Variants in PHTF2 observed in about 807,000 individuals in gnomAD.
The protein encoded by PHTF2 is putative homeodomain transcription factor 2.
Under a neutral mutation model 101.2 loss-of-function variants are expected in PHTF2, and 60 were observed. The observed-to-expected ratio is 0.59, with a 90% CI of 0.48 to 0.73. The LOEUF (loss-of-function observed/expected upper bound fraction) is 0.73. Among genes scored for constraint, PHTF2 ranks in the 30% least tolerant of loss-of-function variants. The pLI, the probability that PHTF2 is intolerant of heterozygous loss-of-function variation, is 0.00. For missense variants in PHTF2, 747 were observed against 908.7 expected (o/e 0.82, Z 2.29); for synonymous variants, 311 against 307.3 (o/e 1.01, Z -0.13).
intron 3 of PHTF2, among the ~76,000 whole-genome samples, chr7:77,871,854 G>A (rs1282135281): frequency 1.3e-5 from 2 of 152,206 alleles, no homozygotes; most frequent in Non-Finnish European, 1.5e-5. Flanking sequence ...GCAATGCTGT[G>A]TGGAATACCA....
At chr7:77,909,010 A>G in intron 8 of PHTF2, 52 bp downstream of exon 7, 1 of 1,294,492 alleles carries the variant, frequency 7.7e-7, no homozygotes, top group South Asian at 1.4e-5. Flanking sequence ...ATTTGAATCT[A>G]CGATTGTTCT....
intron 1 of PHTF2, among the ~76,000 whole-genome samples, chr7:77,812,466 G>C (rs1793514388): frequency 6.6e-6 from 1 of 152,174 alleles, no homozygotes; most frequent in African/African-American, 2.4e-5. Flanking sequence ...AGAACTACTT[G>C]AGAGATGTCT....
intron 1 of PHTF2, among the ~76,000 whole-genome samples, chr7:77,808,632 T>C (rs887687776): frequency 6.6e-6 from 1 of 152,242 alleles, no homozygotes; most frequent in Non-Finnish European, 1.5e-5. Context: ...GGGAATCCTC[T>C]ACAGAGCTAC....
intron 2 of PHTF2, among the ~76,000 whole-genome samples, chr7:77,842,281 G>A (rs915681094): frequency 6.6e-5 from 10 of 152,040 alleles, no homozygotes; most frequent in Non-Finnish European, 1.2e-4. Context: ...ACGGCTCACC[G>A]CAGCCTTGAC....
At chr7:77,904,992 T>C (rs1257769693) in intron 7 of PHTF2, among the ~76,000 whole-genome samples, 1 of 152,218 alleles carries the variant, frequency 6.6e-6, no homozygotes, top group Non-Finnish European at 1.5e-5. Context: ...TTATGAGATT[T>C]TTTTTAATTT....
At chr7:77,827,840 C>T (rs1157181259) in intron 1 of PHTF2, among the ~76,000 whole-genome samples, 1 of 151,780 alleles carries the variant, frequency 6.6e-6, no homozygotes, top group Non-Finnish European at 1.5e-5. Flanking sequence ...AACTGAGTTT[C>T]ACCATGTTGG....
At chr7:77,866,184 C>CAA (rs35744441) in intron 3 of PHTF2, among the ~76,000 whole-genome samples, 2,721 of 82,170 alleles carry the variant, frequency 0.033, 48 homozygotes, top group Middle Eastern at 0.043. Context: ...ACTACCTCTC[C>CAA]AAAAAAAAAA....
intron 3 of PHTF2, among the ~76,000 whole-genome samples, chr7:77,874,527 G>C (rs1349332187): frequency 3.3e-5 from 5 of 152,226 alleles, no homozygotes; most frequent in African/African-American, 9.6e-5. Context: ...GGAATCCGCT[G>C]TTCCAGGGCA....
chr7:77,869,594 G>T (rs902873787), intron 3 of PHTF2, among the ~76,000 whole-genome samples: 52 of 152,082 alleles, frequency 3.4e-4, no homozygotes, highest in African/African-American at 1.2e-3. Context: ...TATATTGCTA[G>T]ATCATATGGT....
chr7:77,823,982 T>G lies in PHTF2; in HGVS notation c.-35-16239T>G, dbSNP rs145965070. 1.5e-4 allele frequency among the ~76,000 whole-genome samples: 23 copies of G among 152,276 alleles called. 1 individual carries two copies. Among genetic ancestry groups the G allele is most frequent in the African/African-American group, 5.5e-4 (23 of 41,544 alleles). On this transcript the variant is annotated intron_variant, in intron 1 of 19. Transcript: ENST00000416283. ...TGAAAGTAAAGCAACAATAATAGAT[T>G]GTTAGTGTAGTCCTGGTATTAGATA...
chr7:77,845,799 C>T (rs1346521979), intron 2 of PHTF2, among the ~76,000 whole-genome samples: 1 of 152,186 alleles, frequency 6.6e-6, no homozygotes, highest in Non-Finnish European at 1.5e-5. Flanking sequence ...TATCCTTCCT[C>T]CATCAGTCTC....
At chr7:77,799,472 A>C (rs2150446768) in intron 1 of PHTF2, among the ~76,000 whole-genome samples, 1 of 152,018 alleles carries the variant, frequency 6.6e-6, no homozygotes, top group East Asian at 1.9e-4. Context: ...AGGTGGAAGG[A>C]GGGTCGCTGC....
intron 2 of PHTF2, among the ~76,000 whole-genome samples, chr7:77,842,497 AATTTT>A (rs1450020800): frequency 6.6e-6 from 1 of 152,166 alleles, no homozygotes; most frequent in Non-Finnish European, 1.5e-5. Flanking sequence ...TTTTAAATTT[AATTTT>A]ATTGAAGAAA....
intron 1 of PHTF2, among the ~76,000 whole-genome samples, chr7:77,814,576 A>G (rs1049150178): frequency 1.3e-5 from 2 of 150,824 alleles, no homozygotes; most frequent in African/African-American, 4.9e-5. Context: ...CAGTGGCGCA[A>G]TCTCAGCTCA....
chr7:77,872,209 C>T (rs541196972), intron 3 of PHTF2, among the ~76,000 whole-genome samples: 205 of 152,228 alleles, frequency 1.3e-3, no homozygotes, highest in African/African-American at 4.0e-3. Context: ...TGTTCATGGG[C>T]CCATTGGACG....
At chr7:77,941,345 C>G (rs1258032783) in intron 15 of PHTF2, among the ~76,000 whole-genome samples, 1 of 152,102 alleles carries the variant, frequency 6.6e-6, no homozygotes, top group Non-Finnish European at 1.5e-5. Flanking sequence ...TACTTAGTGT[C>G]ACTGCTGCAA....
rs200312053 is a variant in PHTF2 at position 77,929,108 on chromosome 7, G to T, written c.1120-1G>T. ...AATGTCAAAGAATATCTTGATTTCAGGACGCCCCTAAATCGGGTACTAGTT... is the reference window on the plus strand; with the variant it reads ...AATGTCAAAGAATATCTTGATTTCATGACGCCCCTAAATCGGGTACTAGTT... On this transcript the variant is annotated splice_acceptor_variant, in intron 11 of 19. Coordinates refer to ENST00000416283, the Ensembl canonical transcript of PHTF2. LOFTEE classifies it high-confidence loss of function. The T allele has an allele frequency of 7.5e-5, 121 of 1,609,608 alleles. No homozygotes were observed. Among genetic ancestry groups the T allele is most frequent in the Non-Finnish European group, 1.0e-4 (118 of 1,176,346 alleles).
intron 11 of PHTF2, among the ~76,000 whole-genome samples, chr7:77,927,195 TACATACACACACAC>T (rs1192498646): frequency 2.0e-4 from 16 of 78,550 alleles, no homozygotes; most frequent in African/African-American, 5.9e-4. Flanking sequence ...TATATATATA[TACATACACACACAC>T]ACACACACAC....
intron 4 of PHTF2, 42 bp downstream of exon 3, chr7:77,893,706 C>G (rs1473403530): frequency 2.5e-6 from 2 of 809,056 alleles, no homozygotes; most frequent in Non-Finnish European, 4.1e-6. Context: ...AAACATAGTT[C>G]TATGAATTAT....
Sources: allele counts gnomAD v4.1 joint callset (sites outside exome capture counted in the v4.1 genomes callset), GRCh38; gene constraint gnomAD v4.1.1; transcripts MANE v1.5; gene names NCBI Gene and HGNC (gene_info 2026-07-23, HGNC 2026-07-21).